The following RAD54L2 variants were observed in gnomAD, a reference collection of about 807,000 sequenced individuals.
The protein encoded by RAD54L2 is helicase ARIP4.
Under a neutral mutation model 138.4 loss-of-function variants are expected in RAD54L2, and 27 were observed. The observed-to-expected ratio is 0.20, with a 90% CI of 0.14 to 0.27. RAD54L2 has a LOEUF of 0.27. Among genes scored for constraint, RAD54L2 ranks in the 10% least tolerant of loss-of-function variants. The probability of loss-of-function intolerance (pLI) is 1.00; values close to 1 mark genes in which losing one functional copy is unlikely to be tolerated. For missense variants in RAD54L2, 1,396 were observed against 1,890.2 expected, an observed-to-expected ratio of 0.74 and a Z score of 4.85; for synonymous variants, 644 against 723.2, an observed-to-expected ratio of 0.89 and a Z score of 1.76.
intron 2 of RAD54L2, among the ~76,000 whole-genome samples, chr3:51,561,472 T>C (rs1699096008): frequency 6.6e-6 from 1 of 152,230 alleles, no homozygotes; most frequent in Non-Finnish European, 1.5e-5. Context: ...CTTGAACTCC[T>C]GACCTCAGGT....
At chr3:51,660,652 C>T (rs138789184) in intron 22 of RAD54L2, among the ~76,000 whole-genome samples, 2,367 of 150,082 alleles carry the variant, frequency 0.016, 46 homozygotes, top group South Asian at 0.03. Context: ...GACAGAGTCT[C>T]GCTCTGTTGC....
rs903554254 is a variant in RAD54L2, at chr3:51,588,043, G to A, written c.-54-2324G>A. Among the ~76,000 whole-genome samples the A allele has an allele frequency of 1.5e-4, 23 of 151,480 alleles. No individual in the cohort carries two copies. In the East Asian group the frequency reaches 4.3e-3, roughly 28 times the overall value. ...CTACTAAAAATACAAAAAATTAGCC[G>A]GGCGTGGTGGCAGGCGCCTGTAGTC... is the stretch of plus-strand genomic sequence containing the variant. On this transcript the variant is annotated intron_variant, in intron 2 of 22. Coordinates refer to ENST00000684192, the MANE Select transcript of RAD54L2 (RefSeq NM_015106.4).
intron 2 of RAD54L2, among the ~76,000 whole-genome samples, chr3:51,560,072 C>T (rs1474074380): frequency 6.6e-6 from 1 of 150,772 alleles, no homozygotes; most frequent in Non-Finnish European, 1.5e-5. Context: ...AAGTGATTTG[C>T]TCCAGTTAAG....
chr3:51,646,431 T>C lies in RAD54L2; in HGVS notation c.2976T>C (p.Pro992=), dbSNP rs1327660552. 4 of 1,613,044 alleles carry C rather than the reference T, an allele frequency of 2.5e-6. No individual in the cohort carries two copies. The South Asian group carries it at 4.4e-5, about 18-fold the overall frequency. The change falls in exon 19 of 23, where the codon CCT becomes CCC. Residue 992 remains proline, a synonymous_variant. Transcript: ENST00000684192. ...YTRPSYAQYY[P]ASDQSLTSIP... ...GCCCATCGTATGCGCAGTATTACCCTGCCAGCGATCAGAGCCTGACCAGCA... is the reference window on the plus strand; with the variant it reads ...GCCCATCGTATGCGCAGTATTACCCCGCCAGCGATCAGAGCCTGACCAGCA...
At position 51,646,392 on chromosome 3, in the gene RAD54L2, A is replaced by G. The variant is rs1177005461; in HGVS notation, c.2937A>G (p.Ser979=). 6.8e-6 allele frequency: 11 copies of G among 1,613,776 alleles called. No homozygotes were observed. Among genetic ancestry groups the G allele is most frequent in the Non-Finnish European group, 9.3e-6 (11 of 1,179,854 alleles). ...GCTATGAGGAAGACAAACGCACATC[A>G]GTCCCCTATACCCGCCCATCGTATG... ...KKSYEEDKRT[S]VPYTRPSYAQ... is the part of the protein sequence containing the mutation. Residue 979 remains serine, a synonymous_variant, in exon 19 of 23, where the codon TCA becomes TCG. Coordinates refer to ENST00000684192, the MANE Select transcript of RAD54L2 (RefSeq NM_015106.4).
intron 2 of RAD54L2, among the ~76,000 whole-genome samples, chr3:51,545,261 A>T (rs1465231605): frequency 6.6e-6 from 1 of 151,536 alleles, no homozygotes; most frequent in Non-Finnish European, 1.5e-5. Flanking sequence ...GTGTGATCTC[A>T]GCTCACTGCA....
At chr3:51,659,279 G>T (rs1220643276) in intron 21 of RAD54L2, among the ~76,000 whole-genome samples, 1 of 151,666 alleles carries the variant, frequency 6.6e-6, no homozygotes. Context: ...CTAATTTTTT[G>T]TATTTTTAGT....
Position 51,638,484 on chromosome 3 carries a change from TG to T in RAD54L2, c.1860+165del. 1 of 794,088 alleles carries T rather than the reference TG, an allele frequency of 1.3e-6. No individual in the cohort carries two copies. Among genetic ancestry groups the T allele is most frequent in the Non-Finnish European group, 2.0e-6 (1 of 509,494 alleles). The allele number at this position is 794,088 out of a possible 1,614,324, so 49.2% of individuals were successfully genotyped here. Reference sequence around the variant, plus strand: ...TTGGGGGCTCCAAGGAGAGAGGTGATGGTTTTGTACCACATAACTCCTGGGG... The same window carrying T: ...TTGGGGGCTCCAAGGAGAGAGGTGATGTTTTGTACCACATAACTCCTGGGG... On this transcript the variant is annotated intron_variant, in intron 12 of 22. Transcript: ENST00000684192. The surrounding 1 kb of genome is among the most constrained non-coding windows in gnomAD (Gnocchi z 4.3).
rs1242343006 is a variant in RAD54L2, at chr3:51,639,952, C to T, written c.2184C>T (p.His728=). 1.2e-6 allele frequency: 2 copies of T among 1,612,180 alleles called. No homozygotes were observed. Among genetic ancestry groups the T allele is most frequent in the South Asian group, 1.1e-5 (1 of 90,776 alleles). Residue 728 remains histidine (H), a synonymous_variant, in exon 14 of 23, where the codon CAC becomes CAT. Coordinates refer to ENST00000684192, the MANE Select transcript of RAD54L2 (RefSeq NM_015106.4). ...CTCCCAAGATGGTACTGCTTTTCCA[C>T]CTGATTGAGGAAAGTGTGAAGCTTG... The part of the protein sequence containing the change: ...ENSPKMVLLF[H]LIEESVKLGD...
intron 15 of RAD54L2, among the ~76,000 whole-genome samples, chr3:51,642,530 C>T (rs1200485781): frequency 6.6e-6 from 1 of 152,026 alleles, no homozygotes; most frequent in African/African-American, 2.4e-5. Flanking sequence ...GACCTCAGCA[C>T]TGCTGACATT....
In RAD54L2 at chr3:51,666,683, T is replaced by C. The variant is rs1559663275; in HGVS notation, c.*3263T>C. 6.6e-6 allele frequency: 1 copy of C among 152,230 alleles called. No homozygotes were observed. 9.4% of individuals were successfully genotyped at this position (152,230 alleles called of 1,614,324 possible). On this transcript the variant is annotated 3_prime_UTR_variant, in exon 23 of 23. Coordinates refer to ENST00000684192, the MANE Select transcript of RAD54L2 (RefSeq NM_015106.4). ...AGGAAGTGAACCATGTTGGGTCATA[T>C]CATTTTCTTTAGATTGGATATCTAT...
At chr3:51,562,139 G>A (rs1410582656) in intron 2 of RAD54L2, among the ~76,000 whole-genome samples, 10 of 149,750 alleles carry the variant, frequency 6.7e-5, no homozygotes, top group South Asian at 2.1e-4. Context: ...GGGTTCAAGC[G>A]ATTATCGTGC....
At chr3:51,589,666 A>ATG (rs1699793760) in intron 2 of RAD54L2, among the ~76,000 whole-genome samples, 2 of 62,994 alleles carry the variant, frequency 3.2e-5, no homozygotes, top group African/African-American at 1.1e-4. Flanking sequence ...GACTCTATAC[A>ATG]TATATATATA....
At chr3:51,574,518 A>AT (rs1450872335) in intron 2 of RAD54L2, among the ~76,000 whole-genome samples, 28 of 152,146 alleles carry the variant, frequency 1.8e-4, no homozygotes, top group African/African-American at 3.4e-4. Flanking sequence ...TTGTTTCCTG[A>AT]TTTTTTAATG....
At chr3:51,650,595 C>G (rs1701405130) in intron 19 of RAD54L2, among the ~76,000 whole-genome samples, 1 of 152,162 alleles carries the variant, frequency 6.6e-6, no homozygotes, top group Non-Finnish European at 1.5e-5. Context: ...TCTCTCAGAC[C>G]ACAGTGCAAT....
intron 6 of RAD54L2, 88 bp from the exon 7 acceptor site, chr3:51,630,617 A>T: frequency 8.6e-7 from 1 of 1,159,970 alleles, no homozygotes; most frequent in Non-Finnish European, 1.2e-6. Flanking sequence ...TTCTAACTTT[A>T]AGTTTCTGTA....
intron 2 of RAD54L2, among the ~76,000 whole-genome samples, chr3:51,583,874 C>G (rs1232454913): frequency 6.0e-5 from 9 of 149,900 alleles, no homozygotes; most frequent in Admixed American, 3.3e-4. Flanking sequence ...CTGGGGTAGC[C>G]TCTTGAGCCA....
At chr3:51,557,363 G>A (rs1332048461) in intron 2 of RAD54L2, among the ~76,000 whole-genome samples, 5 of 151,300 alleles carry the variant, frequency 3.3e-5, no homozygotes, top group African/African-American at 1.2e-4. Context: ...TTAAATTTAT[G>A]TAGAGATGGG....
chr3:51,631,969 C>G (rs1577441830), intron 7 of RAD54L2, among the ~76,000 whole-genome samples: 1 of 152,078 alleles, frequency 6.6e-6, no homozygotes, highest in Admixed American at 6.5e-5. Flanking sequence ...TAACCAACGT[C>G]TCTTCCTCCC....
Sources: allele counts gnomAD v4.1 joint callset (sites outside exome capture counted in the v4.1 genomes callset), GRCh38; gene constraint gnomAD v4.1.1; non-coding constraint Gnocchi (gnomAD v3.1); transcripts MANE v1.5; gene names NCBI Gene and HGNC (gene_info 2026-07-23, HGNC 2026-07-21).